TENM3: variants seen among roughly 807,000 people sequenced by gnomAD.
TENM3 encodes teneurin-3.
In TENM3, 63 loss-of-function variants were observed where a neutral mutation model predicts 255.1. That is an observed-to-expected ratio of 0.25 (90% CI 0.20 to 0.30). The LOEUF is 0.30. TENM3 is among the 10% of genes least tolerant of loss of function. TENM3 has a pLI of 1.00. For missense variants in TENM3, 2,929 were observed against 3,461.1 expected (o/e 0.85, Z 3.86); for synonymous variants, 1,306 against 1,322.3 (o/e 0.99, Z 0.27).
intron 3 of TENM3, among the ~76,000 whole-genome samples, chr4:182,538,454 A>G (rs984733782): frequency 1.9e-4 from 29 of 152,178 alleles, no homozygotes; most frequent in African/African-American, 6.3e-4. Context: ...ATACAGGTAA[A>G]GGGTAGAGCA....
Position 182,800,668 on chromosome 4 carries a change from TTAAC to T in TENM3, c.*323_*326del, listed in dbSNP as rs1472546316. 4.4e-5 allele frequency: 10 copies of T among 226,950 alleles called. No individual in the cohort carries two copies. Among genetic ancestry groups the T allele is most frequent in the African/African-American group, 1.8e-4 (8 of 43,810 alleles). The allele number at this position is 226,950 out of a possible 1,614,324, so 14.1% of individuals were successfully genotyped here. A position where few individuals can be genotyped will look rare whatever the true frequency, so the allele number is the denominator to read the frequency against. On this transcript the variant is annotated 3_prime_UTR_variant, in exon 28 of 28. Transcript: ENST00000511685. ...CGTCTGTTCCTTCTAGGCACTGTATTTAACTAACTTTAAAAAAGAAAAAAAAATG... is the reference window on the plus strand; with the variant it reads ...CGTCTGTTCCTTCTAGGCACTGTATTTAACTTTAAAAAAGAAAAAAAAATG...
chr4:181,595,990 G>C, the TENM3 span, among the ~76,000 whole-genome samples: 2 of 152,022 alleles, frequency 1.3e-5, no homozygotes, highest in African/African-American at 4.8e-5. Flanking sequence ...AAGTATTTGG[G>C]CATTTCTCAT....
In TENM3 at chr4:182,174,502, T is replaced by TCACACACACACACACACA. The variant is rs71605053; in HGVS notation, c.-76+29761_-76+29778dup. Among the ~76,000 whole-genome samples, 132 of 137,674 alleles carry TCACACACACACACACACA rather than the reference T, an allele frequency of 9.6e-4. 1 individual carries two copies. The highest frequency in any genetic ancestry group is 1.6e-3 in the Non-Finnish European group (100 of 64,186). The allele number at this position is 137,674 out of a possible 152,430, so 90.3% of individuals were successfully genotyped here. On this transcript the variant is annotated intron_variant, in intron 1 of 2. Coordinates refer to the TENM3 transcript ENST00000512480. ...AAGGAAAGCTTCCTTAGCTACTAAT[T>TCACACACACACACACACA]CACACACACACACACACACACACAC... is the stretch of plus-strand genomic sequence containing the variant.
Position 182,692,868 on chromosome 4 carries a change from C to T in TENM3, c.2221+4517C>T, listed in dbSNP as rs550513107. On this transcript the variant is annotated intron_variant, in intron 12 of 27. Transcript: ENST00000511685. Reference sequence around the variant, plus strand: ...AATGGGAGTTTTTTTTTTAACTTCTCTCCATCCGTTATCCTAAAAGATCAA... The same window carrying T: ...AATGGGAGTTTTTTTTTTAACTTCTTTCCATCCGTTATCCTAAAAGATCAA... Among the ~76,000 whole-genome samples the T allele has an allele frequency of 9.9e-5, 15 of 151,760 alleles. 1 individual carries two copies. The highest frequency in any genetic ancestry group is 9.2e-4 in the Admixed American group (14 of 15,250).
chr4:181,954,535 TA>T, the TENM3 span, among the ~76,000 whole-genome samples: 1 of 152,194 alleles, frequency 6.6e-6, no homozygotes, highest in African/African-American at 2.4e-5. Flanking sequence ...CCTGAGCTTT[TA>T]AAAATGTGTT....
At chr4:182,475,309 T>C (rs1266980687) in intron 3 of TENM3, among the ~76,000 whole-genome samples, 1 of 152,234 alleles carries the variant, frequency 6.6e-6, no homozygotes, top group African/African-American at 2.4e-5. Flanking sequence ...TTTTAAAATA[T>C]ATCAGTGATT....
chr4:182,293,261 G>A (rs1391843800), intron 1 of TENM3, among the ~76,000 whole-genome samples: 2 of 152,314 alleles, frequency 1.3e-5, no homozygotes, highest in East Asian at 3.9e-4. Context: ...GCATCTTTGA[G>A]GCGATTCAGC....
intron 5 of TENM3, among the ~76,000 whole-genome samples, chr4:182,649,173 A>G (rs931611776): frequency 3.7e-5 from 5 of 135,740 alleles, no homozygotes; most frequent in African/African-American, 1.2e-4. Context: ...TCCCAATTCC[A>G]GACAACCAAC....
the TENM3 span, among the ~76,000 whole-genome samples, chr4:181,630,851 G>A: frequency 6.6e-6 from 1 of 152,234 alleles, no homozygotes; most frequent in Middle Eastern, 3.4e-3. Flanking sequence ...ACGTCTATTA[G>A]GTCCGCTTGG....
chr4:182,135,624 G>A, the TENM3 span, among the ~76,000 whole-genome samples: 4 of 152,248 alleles, frequency 2.6e-5, no homozygotes, highest in African/African-American at 7.2e-5. Flanking sequence ...TCAAATGGGT[G>A]TAACGGTCCA....
intron 13 of TENM3, among the ~76,000 whole-genome samples, chr4:182,725,330 G>GT (rs943752359): frequency 1.3e-5 from 2 of 151,916 alleles, no homozygotes; most frequent in Non-Finnish European, 2.9e-5. Flanking sequence ...CTGGCTAATT[G>GT]TTTTTTTGAA....
chr4:181,888,017 A>AT, the TENM3 span, among the ~76,000 whole-genome samples: 1 of 152,028 alleles, frequency 6.6e-6, no homozygotes, highest in African/African-American at 2.4e-5. Context: ...ATTCTATTCT[A>AT]TTCTAGCCTA....
At chr4:182,336,004 A>G (rs1253630618) in intron 2 of TENM3, among the ~76,000 whole-genome samples, 2 of 152,226 alleles carry the variant, frequency 1.3e-5, no homozygotes. Context: ...CTATCCTGGC[A>G]TCCTTCATTG....
chr4:182,780,937 G>C (rs1395384979), intron 24 of TENM3, among the ~76,000 whole-genome samples: 178 of 151,074 alleles, frequency 1.2e-3, no homozygotes, highest in Middle Eastern at 6.8e-3. Flanking sequence ...AGTTGCTTAT[G>C]AGCTTAAGGA....
At chr4:182,386,330 A>T (rs1767911854) in intron 3 of TENM3, among the ~76,000 whole-genome samples, 1 of 152,214 alleles carries the variant, frequency 6.6e-6, no homozygotes, top group Admixed American at 6.5e-5. Flanking sequence ...ACCTTATAGC[A>T]CTGCTGAAGT....
the TENM3 span, among the ~76,000 whole-genome samples, chr4:181,905,005 C>T: frequency 1.3e-5 from 2 of 152,160 alleles, no homozygotes; most frequent in African/African-American, 4.8e-5. Context: ...CCTCCCTTAC[C>T]TTCTGCCTTG....
chr4:182,298,984 CAAAAAAAAAA>C (rs11283401), intron 1 of TENM3, among the ~76,000 whole-genome samples: 625 of 25,546 alleles, frequency 0.024, 22 homozygotes, highest in African/African-American at 0.049. Context: ...GACTCCTTCT[CAAAAAAAAAA>C]AAAAAAAAAA....
At chr4:182,628,595 TGTCTC>T in intron 4 of TENM3, 51 bp from the exon 5 acceptor site, 1 of 1,184,888 alleles carries the variant, frequency 8.4e-7, no homozygotes, top group Non-Finnish European at 1.2e-6. Context: ...CGCTGTCTCT[TGTCTC>T]TTGTATCGTA....
chr4:182,170,987 C>T (rs915139718), intron 1 of TENM3, among the ~76,000 whole-genome samples: 2 of 151,982 alleles, frequency 1.3e-5, no homozygotes, highest in Admixed American at 1.3e-4. Context: ...ATGTTATTCC[C>T]ATAACAGCTA....
Sources: allele counts gnomAD v4.1 joint callset (sites outside exome capture counted in the v4.1 genomes callset), GRCh38; gene constraint gnomAD v4.1.1; transcripts MANE v1.5; gene names NCBI Gene and HGNC (gene_info 2026-07-23, HGNC 2026-07-21).